Variants in EPB41L1 observed in about 807,000 individuals in gnomAD.
EPB41L1 encodes the protein erythrocyte membrane protein band 4.1 like 1.
A neutral mutation model predicts 97.8 loss-of-function variants in EPB41L1; 29 were observed. That is an observed-to-expected ratio of 0.30 (90% CI 0.22 to 0.40). EPB41L1 has a LOEUF of 0.40. Ranked by LOEUF, EPB41L1 falls within the 10% of genes least tolerant of loss-of-function variation. The pLI, the probability that EPB41L1 is intolerant of heterozygous loss-of-function variation, is 1.00. For missense variants in EPB41L1, 812 were observed against 1,162.3 expected (o/e 0.70, Z 4.38); for synonymous variants, 383 against 459.2 (o/e 0.83, Z 2.12).
chr20:36,154,728 CGCCGCT>C, upstream of EPB41L1: 2 of 985,880 alleles, frequency 2.0e-6, no homozygotes, highest in Non-Finnish European at 2.4e-6. This position sits in a 1 kb window ranked among gnomAD's most constrained non-coding sequence, Gnocchi z 5.5. Flanking sequence ...CCGCCGCCGC[CGCCGCT>C]GCTGCAGTCG....
intron 6 of EPB41L1, among the ~76,000 whole-genome samples, chr20:36,184,404 A>C (rs939450007): frequency 2.0e-5 from 3 of 152,250 alleles, no homozygotes; most frequent in African/African-American, 7.2e-5. Flanking sequence ...AAAATCGTCC[A>C]ACTGTGCATA....
chr20:36,223,953 T>A (rs1270132401), intron 21 of EPB41L1, among the ~76,000 whole-genome samples: 1 of 152,248 alleles, frequency 6.6e-6, no homozygotes, highest in Admixed American at 6.5e-5. Context: ...TTTGCCCTTT[T>A]CCTTGAATGA....
chr20:36,119,741 C>T (rs772298389), intron 2 of EPB41L1, among the ~76,000 whole-genome samples: 3 of 152,064 alleles, frequency 2.0e-5, no homozygotes, highest in Non-Finnish European at 4.4e-5. Flanking sequence ...GTCCAGGGTG[C>T]CCTTGAATCC....
intron 2 of EPB41L1, among the ~76,000 whole-genome samples, chr20:36,126,793 G>A (rs751531119): frequency 4.5e-4 from 69 of 152,230 alleles, no homozygotes; most frequent in Admixed American, 7.8e-4. Context: ...TGGACTGGAA[G>A]CTCACATTCC....
At chr20:36,109,266 G>A (rs1024316547) in intron 1 of EPB41L1, among the ~76,000 whole-genome samples, 2 of 152,090 alleles carry the variant, frequency 1.3e-5, no homozygotes, top group East Asian at 1.9e-4. Context: ...GCTTCTGATG[G>A]CAAATGAAAA....
chr20:36,100,234 G>A (rs1194281600), intron 1 of EPB41L1, among the ~76,000 whole-genome samples: 3 of 152,230 alleles, frequency 2.0e-5, no homozygotes, highest in Non-Finnish European at 4.4e-5. Flanking sequence ...CCACACTGGG[G>A]AAGCCAGGCC....
intron 1 of EPB41L1, among the ~76,000 whole-genome samples, chr20:36,107,693 G>A (rs1290845111): frequency 0.21 from 3 of 14 alleles, no homozygotes; most frequent in Non-Finnish European, 0.25. Flanking sequence ...AGCCAGGCGT[G>A]GTGCACGTGC....
intron 13 of EPB41L1, among the ~76,000 whole-genome samples, chr20:36,197,392 G>C (rs1362096862): frequency 1.3e-5 from 2 of 152,228 alleles, no homozygotes; most frequent in Non-Finnish European, 2.9e-5. Context: ...GAGGGATCTA[G>C]GAGGCACCTG....
intron 5 of EPB41L1, among the ~76,000 whole-genome samples, chr20:36,180,032 C>T (rs551456439): frequency 1.3e-5 from 2 of 152,318 alleles, no homozygotes; most frequent in Admixed American, 6.5e-5. Flanking sequence ...GTGGCTGGAC[C>T]AAATGGTCAG....
rs753036214 is a variant in EPB41L1, at chr20:36,182,229, G to C, written c.491-43G>C. On this transcript the variant is annotated intron_variant, in intron 5 of 21. Transcript: ENST00000338074. The stretch of plus-strand genomic sequence containing the variant: ...GGATGGTGCATCTGGACCACCCAGT[G>C]GGGTGTTAGGGCCTCGCTGATCTCT... The C allele has an allele frequency of 5.1e-5, 80 of 1,577,658 alleles. No homozygotes were observed. In the South Asian group the frequency reaches 7.9e-4, roughly 15 times the overall value.
intron 1 of EPB41L1, among the ~76,000 whole-genome samples, chr20:36,105,692 C>A (rs900810742): frequency 1.3e-5 from 2 of 152,150 alleles, no homozygotes; most frequent in Non-Finnish European, 2.9e-5. Context: ...GAGCCCCTCC[C>A]TCTTCTCAGC....
chr20:36,206,397 A>T lies in EPB41L1; in HGVS notation c.1669-3091A>T, dbSNP rs555083281. ...ACAAGGGAGGACTCCAGTCGTTTCTATTGGATCCAGCCCACGCAGAAGCCA... is the reference window on the plus strand; with the variant it reads ...ACAAGGGAGGACTCCAGTCGTTTCTTTTGGATCCAGCCCACGCAGAAGCCA... On this transcript the variant is annotated intron_variant, in intron 14 of 21. Transcript: ENST00000338074. The surrounding 1 kb of genome is among the most constrained non-coding windows in gnomAD (Gnocchi z 5.5). 1 of 1,289,906 alleles carries T rather than the reference A, an allele frequency of 7.8e-7. No individual in the cohort carries two copies. Among genetic ancestry groups the T allele is most frequent in the South Asian group, 1.2e-5 (1 of 81,026 alleles). The allele number at this position is 1,289,906 out of a possible 1,614,324, so 79.9% of individuals were successfully genotyped here. A position where few individuals can be genotyped will look rare whatever the true frequency, so the allele number is the denominator to read the frequency against.
chr20:36,115,418 G>A (rs1418818720), intron 2 of EPB41L1, among the ~76,000 whole-genome samples: 1 of 152,216 alleles, frequency 6.6e-6, no homozygotes, highest in Non-Finnish European at 1.5e-5. Context: ...CCTATGCAGT[G>A]CACATGTCTA....
Position 36,169,181 on chromosome 20 carries a change from C to T in EPB41L1, c.-14-4583C>T, listed in dbSNP as rs114444057. Among the ~76,000 whole-genome samples the T allele has an allele frequency of 9.9e-3, 1,482 of 149,530 alleles. 25 individuals carry two copies. The highest frequency in any genetic ancestry group is 0.035 in the African/African-American group (1,408 of 40,374). On this transcript the variant is annotated intron_variant, in intron 1 of 21. Transcript: ENST00000338074. Reference sequence around the variant, plus strand: ...GGCAGAGGTTGCAGTGAGCTGAGATCGCTACACTCTAGTCTGGGTGACAGA... The same window carrying T: ...GGCAGAGGTTGCAGTGAGCTGAGATTGCTACACTCTAGTCTGGGTGACAGA...
intron 1 of EPB41L1, among the ~76,000 whole-genome samples, chr20:36,096,489 T>G (rs1026604054): frequency 6.6e-6 from 1 of 152,214 alleles, no homozygotes; most frequent in Non-Finnish European, 1.5e-5. Context: ...GCCTTTTAGT[T>G]CATCTAGGCA....
At chr20:36,178,199 C>T in intron 4 of EPB41L1, 143 bp downstream of exon 4, 2 of 708,270 alleles carry the variant, frequency 2.8e-6, no homozygotes, top group Non-Finnish European at 5.1e-6. Flanking sequence ...GCCCTATCCA[C>T]CTGCGGTTCC....
intron 1 of EPB41L1, among the ~76,000 whole-genome samples, chr20:36,163,172 A>G (rs1220549358): frequency 6.8e-6 from 1 of 146,588 alleles, no homozygotes; most frequent in Non-Finnish European, 1.5e-5. Context: ...TTCTTTTCTG[A>G]CTCCGAAAGT....
At chr20:36,104,406 G>T (rs1170003240) in intron 1 of EPB41L1, among the ~76,000 whole-genome samples, 1 of 152,218 alleles carries the variant, frequency 6.6e-6, no homozygotes, top group African/African-American at 2.4e-5. Context: ...CATAGGGTCG[G>T]CACCCCGGAT....
In EPB41L1 at chr20:36,222,263, G is replaced by A. The variant is rs766895184; in HGVS notation, c.2521-15G>A. The A allele has an allele frequency of 4.4e-6, 7 of 1,605,310 alleles. No homozygotes were observed. Among genetic ancestry groups the A allele is most frequent in the South Asian group, 2.2e-5 (2 of 90,852 alleles). On this transcript the variant is annotated splice_polypyrimidine_tract_variant and intron_variant, in intron 20 of 21. Transcript: ENST00000338074. Reference sequence around the variant, plus strand: ...ATAGTTCATGGTTCCTTCCTTTGCTGTTCTTTACCACCAGGCCCTGGCTTT... The same window carrying A: ...ATAGTTCATGGTTCCTTCCTTTGCTATTCTTTACCACCAGGCCCTGGCTTT...
Sources: gnomAD v4.1 joint callset for allele counts (sites outside exome capture counted in the v4.1 genomes callset) on GRCh38, gnomAD v4.1.1 for gene constraint, Gnocchi (gnomAD v3.1) non-coding constraint, MANE v1.5 for transcripts, NCBI Gene and HGNC (gene_info 2026-07-23, HGNC 2026-07-21) for gene names.